Variants in HDAC9 observed in about 807,000 individuals in gnomAD.
The protein encoded by HDAC9 is MEF-2 interacting transcription repressor (MITR) protein.
A neutral mutation model predicts 139.4 loss-of-function variants in HDAC9; 41 were observed. That is an observed-to-expected ratio of 0.29 (90% CI 0.23 to 0.38). The LOEUF is 0.38. Among genes scored for constraint, HDAC9 ranks in the 10% least tolerant of loss-of-function variants. The pLI is 1.00. For synonymous variants in HDAC9, 517 were observed against 476.2 expected, an observed-to-expected ratio of 1.09 and a Z score of -1.12; for missense variants, 1,147 against 1,297.0, an observed-to-expected ratio of 0.88 and a Z score of 1.78.
chr7:18,324,111 A>G (rs937021288), intron 1 of HDAC9, among the ~76,000 whole-genome samples: 2 of 151,992 alleles, frequency 1.3e-5, no homozygotes, highest in Non-Finnish European at 2.9e-5. Flanking sequence ...CAACATATGA[A>G]TGCTGGGGGC....
intron 2 of HDAC9, among the ~76,000 whole-genome samples, chr7:18,243,683 G>A (rs1794338280): frequency 6.6e-6 from 1 of 152,196 alleles, no homozygotes; most frequent in African/African-American, 2.4e-5. Context: ...CCACCTACAT[G>A]TTTGTTTTGT....
intron 20 of HDAC9, 79 bp from the exon 21 acceptor site, chr7:18,835,821 T>G: frequency 9.5e-7 from 1 of 1,047,218 alleles, no homozygotes; most frequent in African/African-American, 1.6e-5. Context: ...AGAGCTCCCA[T>G]GTGCTTGTTT....
chr7:18,474,234 G>C (rs999187969), intron 1 of HDAC9, among the ~76,000 whole-genome samples: 6 of 152,224 alleles, frequency 3.9e-5, no homozygotes, highest in Non-Finnish European at 8.8e-5. Flanking sequence ...GTGAATCTAT[G>C]TAGAGGGTAT....
intron 1 of HDAC9, among the ~76,000 whole-genome samples, chr7:18,156,059 T>C (rs995206466): frequency 6.6e-6 from 1 of 152,208 alleles, no homozygotes; most frequent in African/African-American, 2.4e-5. Flanking sequence ...ACAGTCCTGC[T>C]TCTGCTACTT....
intron 1 of HDAC9, among the ~76,000 whole-genome samples, chr7:18,432,622 G>T (rs1790782433): frequency 6.6e-6 from 1 of 152,142 alleles, no homozygotes; most frequent in African/African-American, 2.4e-5. Flanking sequence ...GAACACTGTT[G>T]AAAATTTGAA....
chr7:18,469,001 C>T (rs1435433784), intron 1 of HDAC9, among the ~76,000 whole-genome samples: 1 of 152,204 alleles, frequency 6.6e-6, no homozygotes. Flanking sequence ...ATTCATGCAT[C>T]TTACTCATCC....
At position 18,692,474 on chromosome 7, in the gene HDAC9, C is replaced by G. The variant is rs1782741233; in HGVS notation, c.1731+25998C>G. The stretch of plus-strand genomic sequence containing the variant: ...GGACATAGGTAATAAGCTTTTAACT[C>G]CTCATATCTCAGACTTTAGGTAACA... On this transcript the variant is annotated intron_variant, in intron 12 of 25. Transcript: ENST00000686413. 2.0e-5 allele frequency among the ~76,000 whole-genome samples: 3 copies of G among 152,058 alleles called. No homozygotes were observed. The South Asian group carries it at 6.2e-4, about 32-fold the overall frequency.
chr7:18,143,792 CA>C (rs71014311), intron 1 of HDAC9, among the ~76,000 whole-genome samples: 2,435 of 122,428 alleles, frequency 0.02, 53 homozygotes, highest in African/African-American at 0.069. Context: ...GACTCCATCT[CA>C]AAAAAAAAAA....
intron 1 of HDAC9, among the ~76,000 whole-genome samples, chr7:18,473,837 C>G (rs1794911083): frequency 6.6e-6 from 1 of 152,186 alleles, no homozygotes; most frequent in African/African-American, 2.4e-5. Context: ...GTTCAGAAAT[C>G]AAACCCTTCA....
At chr7:18,928,447 G>C (rs1414118149) in intron 22 of HDAC9, among the ~76,000 whole-genome samples, 1 of 152,178 alleles carries the variant, frequency 6.6e-6, no homozygotes, top group Non-Finnish European at 1.5e-5. Context: ...GCAATAAAAA[G>C]AGCAAGGCTT....
chr7:18,356,548 C>G (rs1783322348), intron 1 of HDAC9, among the ~76,000 whole-genome samples: 2 of 151,872 alleles, frequency 1.3e-5, no homozygotes, highest in South Asian at 4.2e-4. Context: ...TCCCTTTCAC[C>G]TCTGGCTATT....
At chr7:18,788,054 C>G (rs1187122528) in intron 16 of HDAC9, among the ~76,000 whole-genome samples, 3 of 152,158 alleles carry the variant, frequency 2.0e-5, no homozygotes, top group Non-Finnish European at 4.4e-5. Context: ...CTGCTGTCCT[C>G]TGAACACTCA....
At chr7:18,966,190 T>A (rs745799997) in intron 24 of HDAC9, among the ~76,000 whole-genome samples, 15 of 152,222 alleles carry the variant, frequency 9.9e-5, no homozygotes, top group Non-Finnish European at 1.9e-4. Context: ...CAAAATACAA[T>A]TGATAACCCA....
intron 25 of HDAC9, among the ~76,000 whole-genome samples, chr7:18,992,661 A>C (rs952520321): frequency 1.3e-5 from 2 of 152,232 alleles, no homozygotes; most frequent in Non-Finnish European, 2.9e-5. Flanking sequence ...AGAGAATACA[A>C]GAATTTAATT....
chr7:18,758,896 A>C (rs1789123078), intron 14 of HDAC9, among the ~76,000 whole-genome samples: 1 of 151,986 alleles, frequency 6.6e-6, no homozygotes, highest in Non-Finnish European at 1.5e-5. Context: ...GCAGAAGGTG[A>C]TTGCCAAGAA....
At chr7:18,320,429 C>T (rs894768201) in intron 1 of HDAC9, among the ~76,000 whole-genome samples, 6 of 152,080 alleles carry the variant, frequency 3.9e-5, no homozygotes, top group East Asian at 1.9e-4. Flanking sequence ...TCCTTTGTAC[C>T]GGCTCTCCTG....
At chr7:18,690,407 C>A (rs1448971207) in intron 12 of HDAC9, among the ~76,000 whole-genome samples, 1 of 151,892 alleles carries the variant, frequency 6.6e-6, no homozygotes, top group Non-Finnish European at 1.5e-5. Context: ...CTTTGACTCT[C>A]CTTTGCAGAG....
At chr7:18,699,287 C>T (rs1271747018) in intron 12 of HDAC9, among the ~76,000 whole-genome samples, 1 of 152,088 alleles carries the variant, frequency 6.6e-6, no homozygotes, top group African/African-American at 2.4e-5. Context: ...TAATAGGTAA[C>T]GTTTCCAAAC....
rs193283350 is a variant in HDAC9 at position 18,453,861 on chromosome 7, A to G, written c.-41-42401A>G. Among the ~76,000 whole-genome samples, 551 of 152,296 alleles carry G rather than the reference A, an allele frequency of 3.6e-3. 4 individuals are homozygous for G. The highest frequency in any genetic ancestry group is 0.014 in the Middle Eastern group (4 of 294). ...CTAAAGCAATCTACAGATGAAAACC[A>G]GAGTCTCATTTAGAATTGCCCAAAG... On this transcript the variant is annotated intron_variant, in intron 1 of 3. Transcript: ENST00000413509.
Sources: gnomAD v4.1 joint callset for allele counts (sites outside exome capture counted in the v4.1 genomes callset) on GRCh38, gnomAD v4.1.1 for gene constraint, MANE v1.5 for transcripts, NCBI Gene and HGNC (gene_info 2026-07-23, HGNC 2026-07-21) for gene names.